The following RAPGEF4 variants were observed in gnomAD, a reference collection of about 807,000 sequenced individuals.
The protein encoded by RAPGEF4 is RAP guanine-nucleotide-exchange factor (GEF) 4.
In RAPGEF4, 66 loss-of-function variants were observed where a neutral mutation model predicts 147.9. That is an observed-to-expected ratio of 0.45 (90% CI 0.37 to 0.55). The LOEUF (loss-of-function observed/expected upper bound fraction) is 0.55. Ranked by LOEUF, RAPGEF4 falls within the 20% of genes least tolerant of loss-of-function variation. The probability of loss-of-function intolerance (pLI) is 0.00; values close to 1 mark genes in which losing one functional copy is unlikely to be tolerated. For missense variants in RAPGEF4, 1,071 were observed against 1,257.3 expected, an observed-to-expected ratio of 0.85 and a Z score of 2.24; for synonymous variants, 419 against 442.7, an observed-to-expected ratio of 0.95 and a Z score of 0.67.
chr2:172,801,129 G>A (rs1347207982), intron 3 of RAPGEF4, among the ~76,000 whole-genome samples: 2 of 152,176 alleles, frequency 1.3e-5, no homozygotes, highest in Admixed American at 6.5e-5. Context: ...AGTGACATAG[G>A]TGCAGCTTTC....
At chr2:172,902,799 G>C (rs773329670) in intron 4 of RAPGEF4, among the ~76,000 whole-genome samples, 1 of 152,170 alleles carries the variant, frequency 6.6e-6, no homozygotes, top group Non-Finnish European at 1.5e-5. Flanking sequence ...AGAGTGGAGA[G>C]ATGACAGAAA....
intron 4 of RAPGEF4, among the ~76,000 whole-genome samples, chr2:172,858,494 A>G (rs534444120): frequency 6.6e-6 from 1 of 152,304 alleles, no homozygotes; most frequent in East Asian, 1.9e-4. Context: ...GCAGGGACTC[A>G]ATACTTGATT....
In RAPGEF4 at chr2:173,051,808, C is replaced by T; in HGVS notation, c.*41C>T. ...AAAGCAACAGTTTGTCTCCAGTCCACAATCTTTCAAAAATGCCATTTATGC... is the reference window on the plus strand; with the variant it reads ...AAAGCAACAGTTTGTCTCCAGTCCATAATCTTTCAAAAATGCCATTTATGC... On this transcript the variant is annotated 3_prime_UTR_variant, in exon 31 of 31. Transcript: ENST00000397081. The T allele has an allele frequency of 6.2e-7, 1 of 1,603,918 alleles. No individual in the cohort carries two copies. The highest frequency in any genetic ancestry group is 8.5e-7 in the Non-Finnish European group (1 of 1,173,176).
chr2:172,776,073 AT>A (rs1487974831), intron 1 of RAPGEF4, among the ~76,000 whole-genome samples: 2 of 152,182 alleles, frequency 1.3e-5, no homozygotes, highest in Non-Finnish European at 2.9e-5. Flanking sequence ...GTACTTACAG[AT>A]TTACACTTTG....
chr2:173,038,155 C>G (rs1440287221), intron 29 of RAPGEF4, among the ~76,000 whole-genome samples: 1 of 152,138 alleles, frequency 6.6e-6, no homozygotes, highest in Non-Finnish European at 1.5e-5. Context: ...ACCCCTCACA[C>G]CAAAGGCAGG....
At chr2:173,008,252 CT>C (rs1406542707) in intron 17 of RAPGEF4, among the ~76,000 whole-genome samples, 1 of 152,150 alleles carries the variant, frequency 6.6e-6, no homozygotes, top group African/African-American at 2.4e-5. Flanking sequence ...GAACTCTTTC[CT>C]TTATAAATTA....
At chr2:172,996,356 T>C (rs1693361955) in intron 15 of RAPGEF4, 110 bp from the exon 16 acceptor site, 3 of 579,004 alleles carry the variant, frequency 5.2e-6, no homozygotes, top group African/African-American at 4.0e-5. Flanking sequence ...GAAAGGTATA[T>C]GGTTCCCTGG....
intron 1 of RAPGEF4, among the ~76,000 whole-genome samples, chr2:172,738,197 C>T (rs1693987549): frequency 6.6e-6 from 1 of 152,180 alleles, no homozygotes; most frequent in Non-Finnish European, 1.5e-5. Flanking sequence ...ACACTGCCCT[C>T]AATGTTTCTG....
chr2:172,879,259 T>C (rs1015977130), intron 4 of RAPGEF4, among the ~76,000 whole-genome samples: 2 of 152,186 alleles, frequency 1.3e-5, no homozygotes, highest in Non-Finnish European at 2.9e-5. Context: ...TATACTGTTA[T>C]GGAAATATCT....
intron 17 of RAPGEF4, among the ~76,000 whole-genome samples, 164 bp from the exon 18 acceptor site, chr2:173,014,300 G>A (rs73017529): frequency 0.043 from 6,575 of 152,184 alleles, 491 homozygotes; most frequent in African/African-American, 0.15. Flanking sequence ...GCATGCATTC[G>A]GCACAGACAC....
intron 29 of RAPGEF4, among the ~76,000 whole-genome samples, chr2:173,041,438 G>A (rs969494756): frequency 1.3e-5 from 2 of 152,158 alleles, no homozygotes; most frequent in Admixed American, 6.5e-5. Flanking sequence ...ATAATGTGTG[G>A]AGTGTCCAGG....
At chr2:172,749,267 G>C (rs958272253) in intron 1 of RAPGEF4, among the ~76,000 whole-genome samples, 3 of 152,226 alleles carry the variant, frequency 2.0e-5, no homozygotes, top group African/African-American at 7.2e-5. Context: ...CCCTAGCAGG[G>C]GTTCTCCATG....
intron 1 of RAPGEF4, among the ~76,000 whole-genome samples, chr2:172,750,503 C>T (rs971293827): frequency 3.9e-5 from 6 of 152,046 alleles, no homozygotes; most frequent in Admixed American, 1.3e-4. Context: ...TCAATTATCT[C>T]CTGCCAGGTC....
At chr2:172,750,677 T>C (rs1695202997) in intron 1 of RAPGEF4, among the ~76,000 whole-genome samples, 1 of 152,210 alleles carries the variant, frequency 6.6e-6, no homozygotes, top group Non-Finnish European at 1.5e-5. Context: ...GTAATAGCCA[T>C]TCTAACAGGT....
chr2:173,033,945 C>G lies in RAPGEF4; in HGVS notation c.2681C>G (p.Ala894Gly). The G allele has an allele frequency of 6.2e-7, 1 of 1,612,634 alleles. No homozygotes were observed. The highest frequency in any genetic ancestry group is 1.1e-5 in the South Asian group (1 of 90,828). Residue 894 changes from alanine (A) to glycine (G), a missense_variant, in exon 27 of 31, where the codon GCG (alanine) becomes GGG (glycine). Coordinates refer to ENST00000397081, the MANE Select transcript of RAPGEF4 (RefSeq NM_007023.4). Reference protein sequence around the residue: ...KLPSKFKKFYAEFESLMDPSR... With the variant: ...KLPSKFKKFYGEFESLMDPSR... ...CCAAGCAAGTTCAAGAAGTTCTATG[C>G]GGAGTTTGAAAGTTTAATGGTAAGT...
intron 4 of RAPGEF4, among the ~76,000 whole-genome samples, chr2:172,906,735 G>T (rs1321161623): frequency 6.6e-6 from 1 of 152,200 alleles, no homozygotes; most frequent in African/African-American, 2.4e-5. Flanking sequence ...CTCACAGAGT[G>T]CCAGGAAGGC....
At chr2:173,030,398 CT>C in intron 26 of RAPGEF4, 144 bp downstream of exon 26, 11 of 651,580 alleles carry the variant, frequency 1.7e-5, no homozygotes, top group South Asian at 3.8e-5. Context: ...GACCTGTCTC[CT>C]TTTTCCAGTT....
intron 14 of RAPGEF4, 45 bp from the exon 15 acceptor site, chr2:172,990,765 T>C: frequency 7.0e-7 from 1 of 1,433,730 alleles, no homozygotes; most frequent in Non-Finnish European, 9.7e-7. Context: ...TTTCATTGTC[T>C]GAGTAAGCGG....
intron 4 of RAPGEF4, chr2:172,893,650 T>C (rs1218140053): frequency 6.6e-6 from 1 of 152,238 alleles, no homozygotes; most frequent in African/African-American, 2.4e-5. Context: ...ACTATCAAAT[T>C]TTTTATGAAG....
Sources: allele counts gnomAD v4.1 joint callset (sites outside exome capture counted in the v4.1 genomes callset), GRCh38; gene constraint gnomAD v4.1.1; transcripts MANE v1.5; gene names NCBI Gene and HGNC (gene_info 2026-07-23, HGNC 2026-07-21).